Variants in MAPK8 observed in about 807,000 individuals in gnomAD.
MAPK8 encodes the protein mitogen-activated protein kinase 8.
Under a neutral mutation model 52.9 loss-of-function variants are expected in MAPK8, and 13 were observed. The observed-to-expected ratio is 0.25, with a 90% CI of 0.16 to 0.39. The LOEUF is 0.39. Ranked by LOEUF, MAPK8 falls within the 10% of genes least tolerant of loss-of-function variation. The probability of loss-of-function intolerance (pLI) is 1.00; values close to 1 mark genes in which losing one functional copy is unlikely to be tolerated. For synonymous variants in MAPK8, 191 were observed against 169.8 expected (o/e 1.12, Z -0.97); for missense variants, 300 against 519.2 (o/e 0.58, Z 4.10).
At chr10:48,421,905 G>A (rs767371433) in intron 6 of MAPK8, among the ~76,000 whole-genome samples, 6 of 151,984 alleles carry the variant, frequency 3.9e-5, no homozygotes, top group Non-Finnish European at 8.8e-5. Flanking sequence ...CCTAGGAAAC[G>A]GAGTCAAATG....
chr10:48,412,385 C>T lies in MAPK8; in HGVS notation c.450+2217C>T, dbSNP rs552293350. Reference sequence around the variant, plus strand: ...GCAGCTTGGATATGTAGATTCATGTCTTTTTTGATCAGGATGGAAGGAAGC... The same window carrying T: ...GCAGCTTGGATATGTAGATTCATGTTTTTTTTGATCAGGATGGAAGGAAGC... On this transcript the variant is annotated intron_variant, in intron 5 of 11. Coordinates refer to ENST00000374189, the MANE Select transcript of MAPK8 (RefSeq NM_001323329.2). Among the ~76,000 whole-genome samples the T allele has an allele frequency of 1.4e-4, 22 of 152,198 alleles. No individual in the cohort carries two copies. In the East Asian group the frequency reaches 4.1e-3, roughly 28 times the overall value.
At chr10:48,326,140 T>C (rs1843499585) in intron 1 of MAPK8, among the ~76,000 whole-genome samples, 1 of 152,244 alleles carries the variant, frequency 6.6e-6, no homozygotes, top group South Asian at 2.1e-4. Context: ...GTCCTGCTTC[T>C]TGATGGCAGA....
At chr10:48,418,513 A>T (rs1240675814) in intron 5 of MAPK8, among the ~76,000 whole-genome samples, 1 of 152,144 alleles carries the variant, frequency 6.6e-6, no homozygotes, top group Non-Finnish European at 1.5e-5. Context: ...CTAATCACCA[A>T]AGCAGGGCAG....
rs138918944 is a variant in MAPK8 at position 48,418,744 on chromosome 10, T to C, written c.451-1411T>C. Among the ~76,000 whole-genome samples the C allele has an allele frequency of 1.9e-4, 29 of 152,328 alleles. No homozygotes were observed. In the East Asian group the frequency reaches 4.8e-3, roughly 25 times the overall value. ...AACAGCTGTAAGGTACATATTGATA[T>C]ATATGGATGAATTTCAATTAATAGT... On this transcript the variant is annotated intron_variant, in intron 5 of 11. Transcript: ENST00000374189.
intron 1 of MAPK8, among the ~76,000 whole-genome samples, chr10:48,347,612 T>C (rs1167087659): frequency 6.6e-6 from 1 of 152,210 alleles, no homozygotes; most frequent in Non-Finnish European, 1.5e-5. Flanking sequence ...GTGTTCTCAT[T>C]GTTCACCTCC....
At chr10:48,428,083 TC>T (rs1413755465) in intron 10 of MAPK8, among the ~76,000 whole-genome samples, 1 of 152,230 alleles carries the variant, frequency 6.6e-6, no homozygotes, top group Non-Finnish European at 1.5e-5. Context: ...AGTGTACACT[TC>T]CGTCCATGTT....
chr10:48,379,888 G>A (rs919958942), intron 1 of MAPK8, among the ~76,000 whole-genome samples: 8 of 139,438 alleles, frequency 5.7e-5, no homozygotes, highest in East Asian at 2.1e-4. Context: ...TCCTTTCCAC[G>A]AATTTCTTTG....
At chr10:48,412,422 AATAG>A (rs1433445278) in intron 5 of MAPK8, among the ~76,000 whole-genome samples, 1 of 152,226 alleles carries the variant, frequency 6.6e-6, no homozygotes, top group Non-Finnish European at 1.5e-5. Context: ...AAAAAGAAAA[AATAG>A]ATTCATATCT....
intron 1 of MAPK8, among the ~76,000 whole-genome samples, chr10:48,371,856 T>C (rs1564543259): frequency 6.6e-6 from 1 of 152,074 alleles, no homozygotes; most frequent in Non-Finnish European, 1.5e-5. Flanking sequence ...CTAGAGTGGC[T>C]CACAGAACTC....
chr10:48,324,533 T>C (rs1332290495), intron 1 of MAPK8, among the ~76,000 whole-genome samples: 3 of 147,790 alleles, frequency 2.0e-5, no homozygotes, highest in Admixed American at 6.7e-5. Context: ...ACTCATGATA[T>C]TGGCTTCTTG....
intron 1 of MAPK8, among the ~76,000 whole-genome samples, chr10:48,320,211 CTTTTTTTTTTTTTTTTTTTT>C (rs71026206): frequency 5.7e-5 from 2 of 35,322 alleles, no homozygotes; most frequent in Admixed American, 6.1e-4. Flanking sequence ...ACTGCTCGGC[CTTTTTTTTTTTTTTTTTTTT>C]TTTTTTTTTT....
At chr10:48,322,498 T>C (rs1016209291) in intron 1 of MAPK8, among the ~76,000 whole-genome samples, 12 of 152,180 alleles carry the variant, frequency 7.9e-5, no homozygotes, top group African/African-American at 2.9e-4. Context: ...ATCATCTTAA[T>C]CCAGTCAGAG....
chr10:48,420,255 C>G lies in MAPK8; in HGVS notation c.551C>G (p.Pro184Arg). 6.2e-7 allele frequency: 1 copy of G among 1,613,822 alleles called. No individual in the cohort carries two copies. The highest frequency in any genetic ancestry group is 8.5e-7 in the Non-Finnish European group (1 of 1,179,834). ...RTAGTSFMMT[P>R]YVVTRYYRAP... The stretch of plus-strand genomic sequence containing the variant: ...GCAGGAACGAGTTTTATGATGACGC[C>G]TTATGTAGTGACTCGCTACTACAGA... The change falls in exon 6 of 12, where the codon CCT (proline) becomes CGT (arginine). Residue 184 changes from proline (P) to arginine (R), a missense_variant. This residue lies in a region of MAPK8 where 147 missense variants were observed against 328.1 expected (regional missense o/e 0.45). Transcript: ENST00000374189.
chr10:48,421,470 A>C (rs1215556116), intron 6 of MAPK8, among the ~76,000 whole-genome samples: 1 of 152,164 alleles, frequency 6.6e-6, no homozygotes, highest in Non-Finnish European at 1.5e-5. Flanking sequence ...TGATCTTAGG[A>C]TAGCTCCCTG....
rs1681958390 is a variant in MAPK8, at chr10:48,426,087, T to C, written c.871+17T>C. On this transcript the variant is annotated intron_variant, in intron 8 of 11. Transcript: ENST00000374189. The stretch of plus-strand genomic sequence containing the variant: ...AACTTAAAGGTACTTTTTACAAATA[T>C]GTACATTTAATCCCATTTGGGGTGT... 2 of 1,595,396 alleles carry C rather than the reference T, an allele frequency of 1.3e-6. No homozygotes were observed. Among genetic ancestry groups the C allele is most frequent in the South Asian group, 1.1e-5 (1 of 88,806 alleles).
chr10:48,365,391 A>C (rs1369458528), intron 1 of MAPK8, among the ~76,000 whole-genome samples: 1 of 152,212 alleles, frequency 6.6e-6, no homozygotes, highest in African/African-American at 2.4e-5. Flanking sequence ...AGTAATGCGA[A>C]CTGAACCCAA....
chr10:48,339,632 A>G (rs1845039655), intron 1 of MAPK8, among the ~76,000 whole-genome samples: 1 of 152,220 alleles, frequency 6.6e-6, no homozygotes, highest in African/African-American at 2.4e-5. Flanking sequence ...TAAACAGCGT[A>G]CAGAATGGAA....
intron 1 of MAPK8, among the ~76,000 whole-genome samples, chr10:48,389,134 A>G (rs1053600168): frequency 3.9e-5 from 6 of 152,188 alleles, no homozygotes; most frequent in Admixed American, 2.0e-4. Flanking sequence ...CTTAAAATAT[A>G]GTTGAAAAAT....
chr10:48,365,167 C>T (rs1013668047), intron 1 of MAPK8, among the ~76,000 whole-genome samples: 1 of 152,088 alleles, frequency 6.6e-6, no homozygotes, highest in Non-Finnish European at 1.5e-5. Flanking sequence ...AGAGTCCTTG[C>T]AGCTAAGCCG....
Sources: gnomAD v4.1 joint callset for allele counts (sites outside exome capture counted in the v4.1 genomes callset) on GRCh38, gnomAD v4.1.1 for gene constraint, gnomAD v4.1.1 regional missense constraint, MANE v1.5 for transcripts, NCBI Gene and HGNC (gene_info 2026-07-23, HGNC 2026-07-21) for gene names.